PCSK5: variants seen among roughly 807,000 people sequenced by gnomAD.
The protein encoded by PCSK5 is prohormone convertase 5.
In PCSK5, 129 loss-of-function variants were observed where a neutral mutation model predicts 233.2. The observed-to-expected ratio is 0.55, with a 90% CI of 0.48 to 0.64. PCSK5 has a LOEUF of 0.64. Among genes scored for constraint, PCSK5 ranks in the 30% least tolerant of loss-of-function variants. The probability of loss-of-function intolerance (pLI) is 0.00; values close to 1 mark genes in which losing one functional copy is unlikely to be tolerated. For synonymous variants in PCSK5, 825 were observed against 879.2 expected, an observed-to-expected ratio of 0.94 and a Z score of 1.09; for missense variants, 2,076 against 2,430.1, an observed-to-expected ratio of 0.85 and a Z score of 3.06.
rs1312332104 is a variant in PCSK5, at chr9:76,359,496, C to CCTGGG, written c.*583_*587dup. 2 of 156,436 alleles carry CCTGGG rather than the reference C, an allele frequency of 1.3e-5. No homozygotes were observed. The highest frequency in any genetic ancestry group is 1.2e-4 in the Admixed American group (2 of 16,282). The allele number at this position is 156,436 out of a possible 1,614,324, so 9.7% of individuals were successfully genotyped here. A position where few individuals can be genotyped will look rare whatever the true frequency, so the allele number is the denominator to read the frequency against. Reference sequence around the variant, plus strand: ...CACCCCTGGTGAGCAGAAGAGACCACCTGGGCTGGGCTGCTCAGGACCTAC... The same window carrying CCTGGG: ...CACCCCTGGTGAGCAGAAGAGACCACCTGGGCTGGGCTGGGCTGCTCAGGACCTAC... On this transcript the variant is annotated 3_prime_UTR_variant, in exon 38 of 38. Coordinates refer to ENST00000674117, the MANE Select transcript of PCSK5 (RefSeq NM_001372043.1).
chr9:76,228,988 C>T (rs574248665), intron 21 of PCSK5, among the ~76,000 whole-genome samples: 7 of 151,836 alleles, frequency 4.6e-5, no homozygotes. Flanking sequence ...CAAATAGCTC[C>T]CTCAGAAAGA....
chr9:76,239,089 T>A lies in PCSK5; in HGVS notation c.2997T>A (p.His999Gln), dbSNP rs765937319. The change falls in exon 23 of 38, where the codon CAT becomes CAA. Residue 999 changes from histidine to glutamine, a missense_variant. By Grantham distance (24) the His-to-Gln change is conservative (BLOSUM62 0). Transcript: ENST00000674117. ...PDNCELCHSV[H>Q]VCTRCMKGYF... is the part of the protein sequence containing the mutation. ...ACTGTGAGCTTTGCCACAGCGTGCATGTCTGCACAAGATGCATGAAGGGCT... is the reference window on the plus strand; with the variant it reads ...ACTGTGAGCTTTGCCACAGCGTGCAAGTCTGCACAAGATGCATGAAGGGCT... 1.2e-6 allele frequency: 2 copies of A among 1,609,008 alleles called. No homozygotes were observed. Among genetic ancestry groups the A allele is most frequent in the Non-Finnish European group, 1.7e-6 (2 of 1,178,220 alleles).
intron 7 of PCSK5, among the ~76,000 whole-genome samples, chr9:76,090,419 A>T (rs1319150989): frequency 6.6e-6 from 1 of 152,176 alleles, no homozygotes; most frequent in Non-Finnish European, 1.5e-5. Context: ...ATAGATCTTT[A>T]GCAGCTGTCT....
At position 76,233,480 on chromosome 9, in the gene PCSK5, G is replaced by T. The variant is rs1380271711; in HGVS notation, c.2750G>T (p.Cys917Phe). ...TCTAGGATTTTTGATGATGGCCGCT[G>T]TGTTTCGAACTGCCCCTCATGGAAA... ...PMTRIFDDGR[C>F]VSNCPSWKFE... Residue 917 changes from cysteine (C) to phenylalanine (F), a missense_variant, in exon 22 of 38, where the codon TGT (cysteine) becomes TTT (phenylalanine). Cys to Phe is a radical substitution (Grantham distance 205). This residue lies in a region of PCSK5 where 1,510 missense variants were observed against 1,538.1 expected (regional missense o/e 0.98). Coordinates refer to ENST00000674117, the MANE Select transcript of PCSK5 (RefSeq NM_001372043.1). 2 of 1,612,652 alleles carry T rather than the reference G, an allele frequency of 1.2e-6. No individual in the cohort carries two copies. The highest frequency in any genetic ancestry group is 2.7e-5 in the African/African-American group (2 of 74,924).
chr9:76,231,548 C>T (rs1451938104), intron 21 of PCSK5, among the ~76,000 whole-genome samples: 1 of 152,230 alleles, frequency 6.6e-6, no homozygotes, highest in Non-Finnish European at 1.5e-5. Context: ...CATTGAATAG[C>T]TTCCTTGCTT....
chr9:76,324,122 C>T (rs1325863227), intron 32 of PCSK5, among the ~76,000 whole-genome samples: 2 of 151,934 alleles, frequency 1.3e-5, no homozygotes, highest in Non-Finnish European at 2.9e-5. Flanking sequence ...GAGGGGGTTT[C>T]ACCATGTTGA....
chr9:76,015,633 G>A (rs926808778), intron 3 of PCSK5, among the ~76,000 whole-genome samples: 14 of 152,122 alleles, frequency 9.2e-5, no homozygotes, highest in Admixed American at 9.2e-4. Context: ...TGAAAAGAAT[G>A]TTCAGTGGAA....
At chr9:75,920,685 A>T (rs971139073) in intron 1 of PCSK5, among the ~76,000 whole-genome samples, 3 of 152,062 alleles carry the variant, frequency 2.0e-5, no homozygotes, top group East Asian at 3.9e-4. Flanking sequence ...ACACACCTGT[A>T]ATCCCAGTTA....
Position 76,181,611 on chromosome 9 carries a change from T to C in PCSK5, c.2197+20T>C. 2 of 1,562,806 alleles carry C rather than the reference T, an allele frequency of 1.3e-6. No individual in the cohort carries two copies. Among genetic ancestry groups the C allele is most frequent in the Admixed American group, 1.7e-5 (1 of 57,244 alleles). ...ATACCAGTAAGCTCACTTCAAATAC[T>C]TGGGTTTTAGAGAAGAAATGTGGTG... On this transcript the variant is annotated intron_variant, in intron 16 of 37. Coordinates refer to ENST00000674117, the MANE Select transcript of PCSK5 (RefSeq NM_001372043.1).
chr9:76,037,365 G>A (rs1365016634), intron 5 of PCSK5, among the ~76,000 whole-genome samples: 1 of 152,148 alleles, frequency 6.6e-6, no homozygotes, highest in Non-Finnish European at 1.5e-5. Flanking sequence ...TTGTTTGTTT[G>A]TTTGTTTAAT....
intron 17 of PCSK5, 38 bp from the exon 18 acceptor site, chr9:76,188,540 C>A: frequency 1.4e-6 from 2 of 1,414,090 alleles, no homozygotes; most frequent in Non-Finnish European, 2.0e-6. Flanking sequence ...GGCCTCATCA[C>A]AACAGTCTGT....
chr9:76,332,653 C>T (rs1829570358), intron 34 of PCSK5, 43 bp downstream of exon 34: 3 of 1,361,784 alleles, frequency 2.2e-6, no homozygotes, highest in Admixed American at 2.1e-5. Context: ...TTCACAGCCA[C>T]AGCAGATATC....
chr9:75,967,100 T>A (rs956710830), intron 2 of PCSK5, among the ~76,000 whole-genome samples: 1 of 152,206 alleles, frequency 6.6e-6, no homozygotes, highest in African/African-American at 2.4e-5. Context: ...TTATTTATTT[T>A]TTTCTTTAAT....
chr9:76,334,230 A>G (rs1829615492), intron 34 of PCSK5, among the ~76,000 whole-genome samples: 1 of 152,236 alleles, frequency 6.6e-6, no homozygotes, highest in Non-Finnish European at 1.5e-5. Context: ...GGTCCCTCCC[A>G]CAGCACATGG....
chr9:76,179,540 A>C, intron 14 of PCSK5, 56 bp from the exon 15 acceptor site: 1 of 1,286,016 alleles, frequency 7.8e-7, no homozygotes, highest in East Asian at 2.3e-5. Context: ...TTCAAGGTAA[A>C]GCTGACCTGC....
chr9:76,106,803 G>T (rs1831998214), intron 8 of PCSK5, among the ~76,000 whole-genome samples: 1 of 152,158 alleles, frequency 6.6e-6, no homozygotes, highest in South Asian at 2.1e-4. Context: ...TAGGCTGCAG[G>T]GACCATGTAC....
At chr9:76,254,709 A>G (rs1826921948) in intron 24 of PCSK5, among the ~76,000 whole-genome samples, 1 of 152,256 alleles carries the variant, frequency 6.6e-6, no homozygotes, top group African/African-American at 2.4e-5. Flanking sequence ...GTATTCGCCC[A>G]TATAAGACAC....
intron 9 of PCSK5, among the ~76,000 whole-genome samples, chr9:76,132,742 A>G (rs1190489941): frequency 6.6e-6 from 1 of 152,100 alleles, no homozygotes. Context: ...TTCAATCAGT[A>G]CAACGACATA....
At chr9:76,235,010 C>T (rs1587788922) in intron 22 of PCSK5, among the ~76,000 whole-genome samples, 1 of 152,290 alleles carries the variant, frequency 6.6e-6, no homozygotes, top group East Asian at 1.9e-4. Context: ...GCTGCACTTC[C>T]CCCTTCATGA....
Sources: gnomAD v4.1 joint callset for allele counts (sites outside exome capture counted in the v4.1 genomes callset) on GRCh38, gnomAD v4.1.1 for gene constraint, gnomAD v4.1.1 regional missense constraint, MANE v1.5 for transcripts, NCBI Gene and HGNC (gene_info 2026-07-23, HGNC 2026-07-21) for gene names.